Variants in NPHP3 observed in about 807,000 individuals in gnomAD.
NPHP3 encodes nephrocystin-3.
A neutral mutation model predicts 171.9 loss-of-function variants in NPHP3; 123 were observed. That is an observed-to-expected ratio of 0.72 (90% CI 0.62 to 0.83). The LOEUF is 0.83. Among genes scored for constraint, NPHP3 ranks in the 40% least tolerant of loss-of-function variants. The pLI is 0.00. For missense variants in NPHP3, 1,506 were observed against 1,591.9 expected (o/e 0.95, Z 0.92); for synonymous variants, 558 against 579.2 (o/e 0.96, Z 0.52).
intron 26 of NPHP3, 187 bp from the exon 27 acceptor site, chr3:132,682,277 T>C: frequency 6.5e-6 from 4 of 619,168 alleles, no homozygotes; most frequent in Non-Finnish European, 1.1e-5. Flanking sequence ...AGTATCAGTA[T>C]TTTTGTGTCT....
At chr3:132,698,930 T>A (rs1939530160) in intron 13 of NPHP3, among the ~76,000 whole-genome samples, 1 of 152,138 alleles carries the variant, frequency 6.6e-6, no homozygotes, top group South Asian at 2.1e-4. Flanking sequence ...TCTCCCTCTG[T>A]CACCCAGGCT....
intron 17 of NPHP3, among the ~76,000 whole-genome samples, chr3:132,691,574 T>C (rs1939301096): frequency 6.6e-6 from 1 of 152,090 alleles, no homozygotes; most frequent in African/African-American, 2.4e-5. Context: ...AAGAATAAAT[T>C]ATATTCAAAC....
At chr3:132,709,262 C>G (rs962783443) in intron 6 of NPHP3, among the ~76,000 whole-genome samples, 32 of 133,542 alleles carry the variant, frequency 2.4e-4, no homozygotes, top group Middle Eastern at 8.0e-3. Context: ...TCCCTTCTTT[C>G]TTTCTCTCCC....
chr3:132,686,418 C>T, intron 22 of NPHP3, 31 bp from the exon 23 acceptor site: 1 of 1,613,432 alleles, frequency 6.2e-7, no homozygotes, highest in Non-Finnish European at 8.5e-7. Flanking sequence ...GAAAAGCAAT[C>T]ACTAAGTAGG....
intron 16 of NPHP3, chr3:132,693,131 G>A: frequency 3.4e-6 from 1 of 291,310 alleles, no homozygotes; most frequent in South Asian, 4.2e-5. Flanking sequence ...GGAAGACAGT[G>A]GAAGAAAATA....
In NPHP3 at chr3:132,692,601, G is replaced by C. The variant is rs1000877717; in HGVS notation, c.2475+53C>G. The C allele has an allele frequency of 2.0e-6, 3 of 1,520,072 alleles. No homozygotes were observed. In the African/African-American group the frequency reaches 4.2e-5, roughly 21 times the overall value. The allele number at this position is 1,520,072 out of a possible 1,614,324, so 94.2% of individuals were successfully genotyped here. A position where few individuals can be genotyped will look rare whatever the true frequency, so the allele number is the denominator to read the frequency against. On this transcript the variant is annotated intron_variant, in intron 17 of 26. Transcript: ENST00000337331. ...ACTGCACTCCAGCCTGGGTGACAGA[G>C]AAGACCCTGTTTCTTAAATAAATAA...
At chr3:132,694,376 TG>T (rs1939389934) in intron 16 of NPHP3, among the ~76,000 whole-genome samples, 1 of 149,890 alleles carries the variant, frequency 6.7e-6, no homozygotes. Flanking sequence ...TGTGTGTGTG[TG>T]TTTACACACA....
intron 26 of NPHP3, 56 bp downstream of exon 26, chr3:132,682,647 G>C: frequency 9.6e-7 from 1 of 1,046,716 alleles, no homozygotes; most frequent in African/African-American, 1.6e-5. Flanking sequence ...GCTATTCTAA[G>C]ACAAAGCTAC....
At chr3:132,715,063 C>T (rs759528349) in intron 5 of NPHP3, 22 bp downstream of exon 5, 1 of 1,596,544 alleles carries the variant, frequency 6.3e-7, no homozygotes, top group East Asian at 2.2e-5. Context: ...TTGGTTGATA[C>T]AGAATTTATA....
chr3:132,701,827 C>T (rs1320659096), intron 9 of NPHP3, among the ~76,000 whole-genome samples: 2 of 152,094 alleles, frequency 1.3e-5, no homozygotes, highest in Non-Finnish European at 2.9e-5. Flanking sequence ...TCGAGAACAT[C>T]CTGGCTAACA....
At chr3:132,699,740 G>C (rs551109367) in intron 12 of NPHP3, among the ~76,000 whole-genome samples, 178 bp downstream of exon 12, 1 of 152,118 alleles carries the variant, frequency 6.6e-6, no homozygotes, top group South Asian at 2.1e-4. Flanking sequence ...TAAGATATTA[G>C]TGTCTGTGGG....
Position 132,700,354 on chromosome 3 carries a change from T to C in NPHP3, c.1723A>G (p.Ile575Val), listed in dbSNP as rs1401022454. The part of the protein sequence containing the change: ...MSTSSESSLI[I>V]KRLTLKLMQH... ...TATACCTTTAGAGTTAGTCGTTTAA[T>C]AATCAAGGAGGACTCTGAGCTGGTT... The change falls in exon 11 of 27, where the codon ATT (isoleucine) becomes GTT (valine). Residue 575 changes from isoleucine (I) to valine (V), a missense_variant. This residue lies in a region of NPHP3 where 930 missense variants were observed against 924.9 expected (regional missense o/e 1.01). Coordinates refer to ENST00000337331, the MANE Select transcript of NPHP3 (RefSeq NM_153240.5). 2 of 1,607,060 alleles carry C rather than the reference T, an allele frequency of 1.2e-6. No homozygotes were observed. The highest frequency in any genetic ancestry group is 2.2e-5 in the East Asian group (1 of 44,834).
rs755093980 is a variant in NPHP3, at chr3:132,684,737, T to C, written c.3387A>G (p.Pro1129=). Residue 1129 remains proline (P), a synonymous_variant, in exon 24 of 27, where the codon CCA becomes CCG. Transcript: ENST00000337331. ...AAGACTGAGCACAGTCAGGGTGATC[T>C]GGTCCTAGAACTCGCTCCCTCATTT... ...SLEMRERVLG[P]DHPDCAQSLN... 1.8e-5 allele frequency: 29 copies of C among 1,613,986 alleles called. 1 individual carries two copies. The South Asian group carries it at 3.2e-4, about 18-fold the overall frequency.
At chr3:132,697,189 A>G (rs1939476477) in intron 14 of NPHP3, 71 bp downstream of exon 14, 1 of 1,052,876 alleles carries the variant, frequency 9.5e-7, no homozygotes, top group Admixed American at 1.7e-5. Flanking sequence ...ATTGAATTTT[A>G]AGTCTCACAT....
intron 3 of NPHP3, 57 bp from the exon 4 acceptor site, chr3:132,716,966 T>G (rs1940070468): frequency 1.3e-6 from 2 of 1,520,422 alleles, no homozygotes; most frequent in Admixed American, 3.3e-5. Context: ...GTTCAAAAAC[T>G]CATCACATAT....
In NPHP3 at chr3:132,721,449, A is replaced by G. The variant is rs192544754; in HGVS notation, c.393+514T>C. ...CCGACACTTGAGCCCCACTTTGGAG[A>G]CCCACTTAAAATTTTTATGGTGGGG... On this transcript the variant is annotated intron_variant, in intron 1 of 26. Coordinates refer to ENST00000337331, the MANE Select transcript of NPHP3 (RefSeq NM_153240.5). 2.4e-3 allele frequency: 480 copies of G among 200,370 alleles called. 3 individuals carry two copies. Among genetic ancestry groups the G allele is most frequent in the African/African-American group, 0.011 (457 of 42,966 alleles). 12.4% of individuals were successfully genotyped at this position (200,370 alleles called of 1,614,324 possible).
intron 25 of NPHP3, 83 bp downstream of exon 25, chr3:132,683,316 G>T (rs1939077674): frequency 8.4e-7 from 1 of 1,193,574 alleles, no homozygotes; most frequent in African/African-American, 1.5e-5. Flanking sequence ...ATTCTATTTA[G>T]TGTTCCCTAT....
At chr3:132,691,339 A>G (rs1196653327) in intron 17 of NPHP3, 53 bp from the exon 18 acceptor site, 4 of 1,214,236 alleles carry the variant, frequency 3.3e-6, no homozygotes, top group Non-Finnish European at 4.9e-6. Context: ...GTCACTGTAC[A>G]TCTAACAAGA....
Position 132,696,717 on chromosome 3 carries a change from T to C in NPHP3, c.2171+14A>G. The C allele has an allele frequency of 1.2e-6, 2 of 1,612,150 alleles. No homozygotes were observed. The highest frequency in any genetic ancestry group is 1.7e-6 in the Non-Finnish European group (2 of 1,178,330). ...AAAACATGCAGAAGATCATGTAAAA[T>C]AATCACCACTCACCGCGCGATCATT... On this transcript the variant is annotated intron_variant, in intron 15 of 26. Transcript: ENST00000337331.
Sources: gnomAD v4.1 joint callset for allele counts (sites outside exome capture counted in the v4.1 genomes callset) on GRCh38, gnomAD v4.1.1 for gene constraint, gnomAD v4.1.1 regional missense constraint, MANE v1.5 for transcripts, NCBI Gene and HGNC (gene_info 2026-07-23, HGNC 2026-07-21) for gene names.